The following NRXN3 variants were observed in gnomAD, a reference collection of about 807,000 sequenced individuals.
NRXN3 encodes the protein neurexin III.
NRXN3 carries 32 observed loss-of-function variants against 137.6 expected under a neutral mutation model. That is an observed-to-expected ratio of 0.23 (90% CI 0.18 to 0.31). NRXN3 has a LOEUF of 0.31. Ranked by LOEUF, NRXN3 falls within the 10% of genes least tolerant of loss-of-function variation. The pLI is 1.00. For synonymous variants in NRXN3, 798 were observed against 784.5 expected, an observed-to-expected ratio of 1.02 and a Z score of -0.29; for missense variants, 1,574 against 2,062.5, an observed-to-expected ratio of 0.76 and a Z score of 4.59.
At chr14:79,752,072 T>G (rs1319884816) in intron 19 of NRXN3, among the ~76,000 whole-genome samples, 1 of 152,206 alleles carries the variant, frequency 6.6e-6, no homozygotes, top group Non-Finnish European at 1.5e-5. Context: ...GGTATCAGGA[T>G]GATGCTGGCC....
intron 6 of NRXN3, among the ~76,000 whole-genome samples, chr14:78,673,699 G>T (rs927476643): frequency 6.6e-6 from 1 of 152,134 alleles, no homozygotes; most frequent in Admixed American, 6.5e-5. Context: ...GGAAAGCAGA[G>T]ATCATCTCTC....
chr14:78,262,578 AAAATTCCC>A (rs1444620707), intron 2 of NRXN3, among the ~76,000 whole-genome samples: 1 of 152,126 alleles, frequency 6.6e-6, no homozygotes, highest in Non-Finnish European at 1.5e-5. Flanking sequence ...GATCAGCCTG[AAAATTCCC>A]AAATAGCTTC....
chr14:79,636,260 A>AT (rs1440942333), intron 16 of NRXN3, among the ~76,000 whole-genome samples: 1 of 152,234 alleles, frequency 6.6e-6, no homozygotes, highest in Non-Finnish European at 1.5e-5. Context: ...ACTCCATGTT[A>AT]TAACTGTACT....
intron 6 of NRXN3, among the ~76,000 whole-genome samples, chr14:78,671,182 C>A (rs776272888): frequency 6.6e-6 from 1 of 152,132 alleles, no homozygotes; most frequent in Non-Finnish European, 1.5e-5. Flanking sequence ...AGGTATATGG[C>A]ATAGTCAGCA....
intron 4 of NRXN3, among the ~76,000 whole-genome samples, chr14:78,554,889 C>T (rs1016982236): frequency 1.4e-4 from 22 of 152,114 alleles, no homozygotes; most frequent in Admixed American, 6.5e-5. Context: ...TATCTAAATC[C>T]TCTGTCCTAG....
At chr14:79,803,345 G>A (rs540169663) in intron 19 of NRXN3, among the ~76,000 whole-genome samples, 82 of 152,244 alleles carry the variant, frequency 5.4e-4, no homozygotes, top group African/African-American at 1.9e-3. Flanking sequence ...AGGTGGCTTA[G>A]ACAATAGAAA....
chr14:78,293,908 T>C (rs2076049558), intron 3 of NRXN3, among the ~76,000 whole-genome samples: 1 of 152,232 alleles, frequency 6.6e-6, no homozygotes, highest in Non-Finnish European at 1.5e-5. Context: ...GTGTCCTGGT[T>C]GCTTCTGAAA....
At chr14:79,017,671 T>G (rs73332955) in intron 15 of NRXN3, among the ~76,000 whole-genome samples, 7,236 of 152,148 alleles carry the variant, frequency 0.048, 628 homozygotes, top group African/African-American at 0.17. Flanking sequence ...ATATATATAA[T>G]GAGGGAGATA....
intron 6 of NRXN3, among the ~76,000 whole-genome samples, chr14:78,680,610 C>T (rs1411971348): frequency 2.0e-5 from 3 of 152,042 alleles, no homozygotes; most frequent in Non-Finnish European, 4.4e-5. Context: ...TGAATGCAGT[C>T]TTCTAGCTCA....
chr14:78,437,628 T>C (rs66994883), intron 4 of NRXN3, among the ~76,000 whole-genome samples: 28,536 of 152,096 alleles, frequency 0.19, 4,836 homozygotes, highest in African/African-American at 0.45. Context: ...AGATTACAGG[T>C]GTGATGAGCC....
At chr14:79,433,334 C>A (rs1026719100) in intron 15 of NRXN3, among the ~76,000 whole-genome samples, 5 of 152,098 alleles carry the variant, frequency 3.3e-5, no homozygotes, top group Non-Finnish European at 5.9e-5. Flanking sequence ...TTGTTCTTGA[C>A]CCCCGCAAGA....
chr14:78,616,054 C>T (rs554487709), intron 4 of NRXN3, among the ~76,000 whole-genome samples: 2 of 152,216 alleles, frequency 1.3e-5, no homozygotes, highest in Non-Finnish European at 2.9e-5. Flanking sequence ...TCACTCATCA[C>T]CTGCATAACT....
chr14:78,619,603 TAGTG>T (rs1394207568), intron 4 of NRXN3, among the ~76,000 whole-genome samples: 1 of 152,076 alleles, frequency 6.6e-6, no homozygotes, highest in Non-Finnish European at 1.5e-5. Context: ...GCTCTTGTGA[TAGTG>T]AGTGAGTTCT....
At chr14:79,843,620 T>G (rs918309369) in intron 20 of NRXN3, among the ~76,000 whole-genome samples, 1 of 152,192 alleles carries the variant, frequency 6.6e-6, no homozygotes, top group Non-Finnish European at 1.5e-5. Flanking sequence ...CCTCTATCAA[T>G]TAAGTTTATG....
intron 15 of NRXN3, among the ~76,000 whole-genome samples, chr14:79,055,946 A>G (rs1194775293): frequency 6.6e-6 from 1 of 152,220 alleles, no homozygotes; most frequent in Non-Finnish European, 1.5e-5. Flanking sequence ...AGGCCTTGAA[A>G]TGTCAAGAAC....
At chr14:78,425,968 A>G (rs1352563660) in intron 4 of NRXN3, among the ~76,000 whole-genome samples, 1 of 152,206 alleles carries the variant, frequency 6.6e-6, no homozygotes, top group African/African-American at 2.4e-5. Flanking sequence ...TGGAAGATCC[A>G]GAAGTGGCAC....
chr14:78,505,229 A>C (rs2095964336), intron 4 of NRXN3, among the ~76,000 whole-genome samples: 1 of 152,166 alleles, frequency 6.6e-6, no homozygotes, highest in Non-Finnish European at 1.5e-5. Flanking sequence ...GAATACAGCA[A>C]GAAACAAGGA....
intron 15 of NRXN3, among the ~76,000 whole-genome samples, chr14:79,233,478 A>T (rs752642182): frequency 2.0e-5 from 3 of 152,070 alleles, no homozygotes; most frequent in East Asian, 1.9e-4. Context: ...TCTTTATATC[A>T]TGCGGGCTTT....
intron 16 of NRXN3, among the ~76,000 whole-genome samples, chr14:79,589,050 T>G (rs1221656794): frequency 6.6e-6 from 1 of 152,124 alleles, no homozygotes; most frequent in Non-Finnish European, 1.5e-5. Flanking sequence ...AGCCCAGGAA[T>G]TCGAGACTAG....
Sources: allele counts gnomAD v4.1 joint callset (sites outside exome capture counted in the v4.1 genomes callset), GRCh38; gene constraint gnomAD v4.1.1; transcripts MANE v1.5; gene names NCBI Gene and HGNC (gene_info 2026-07-23, HGNC 2026-07-21).